The following SNTB1 variants were observed in gnomAD, a reference collection of about 807,000 sequenced individuals.
The protein encoded by SNTB1 is beta-1-syntrophin.
SNTB1 carries 36 observed loss-of-function variants against 48.9 expected under a neutral mutation model. That is an observed-to-expected ratio of 0.74 (90% CI 0.56 to 0.97). SNTB1 has a LOEUF of 0.97. Among genes scored for constraint, SNTB1 ranks in the 50% least tolerant of loss-of-function variants. SNTB1 has a pLI of 0.00. For synonymous variants in SNTB1, 299 were observed against 294.6 expected, an observed-to-expected ratio of 1.01 and a Z score of -0.15; for missense variants, 786 against 703.4, an observed-to-expected ratio of 1.12 and a Z score of -1.33.
intron 2 of SNTB1, among the ~76,000 whole-genome samples, chr8:120,642,916 C>CAAAA (rs991519836): frequency 4.6e-5 from 7 of 151,962 alleles, no homozygotes; most frequent in African/African-American, 1.7e-4. Context: ...TACTGAAAAA[C>CAAAA]AAAAAAACAA....
At chr8:120,761,494 C>T (rs1819418260) in intron 1 of SNTB1, 1 of 152,202 alleles carries the variant, frequency 6.6e-6, no homozygotes, top group Admixed American at 6.5e-5. Context: ...TTGATCTAGA[C>T]TTTGCCCAGA....
At chr8:120,658,387 G>A (rs1037858928) in intron 2 of SNTB1, among the ~76,000 whole-genome samples, 6 of 152,130 alleles carry the variant, frequency 3.9e-5, no homozygotes, top group Admixed American at 2.6e-4. Context: ...CAGGAAGTAG[G>A]AAACACCATA....
At chr8:120,712,273 G>T (rs1818475968) in intron 1 of SNTB1, among the ~76,000 whole-genome samples, 1 of 151,930 alleles carries the variant, frequency 6.6e-6, no homozygotes, top group South Asian at 2.1e-4. Context: ...AAATTAGCCA[G>T]GCGTGGTGGC....
chr8:120,803,579 C>T (rs1820270487), intron 1 of SNTB1, among the ~76,000 whole-genome samples: 1 of 152,152 alleles, frequency 6.6e-6, no homozygotes, highest in Admixed American at 6.5e-5. Context: ...AAACAGACCA[C>T]TGGTAGATTC....
intron 1 of SNTB1, among the ~76,000 whole-genome samples, chr8:120,747,872 T>G (rs930650535): frequency 6.6e-6 from 1 of 152,160 alleles, no homozygotes; most frequent in African/African-American, 2.4e-5. Context: ...TACACACATA[T>G]GTATATACAC....
intron 1 of SNTB1, among the ~76,000 whole-genome samples, chr8:120,766,814 G>T (rs1309364350): frequency 6.6e-6 from 1 of 152,092 alleles, no homozygotes; most frequent in Non-Finnish European, 1.5e-5. Flanking sequence ...CTATGTATTT[G>T]CCATGGAGCT....
At chr8:120,766,293 T>C (rs1257703873) in intron 1 of SNTB1, among the ~76,000 whole-genome samples, 1 of 152,188 alleles carries the variant, frequency 6.6e-6, no homozygotes, top group Non-Finnish European at 1.5e-5. Context: ...GGATAAATAA[T>C]TGGCCAAACT....
intron 3 of SNTB1, among the ~76,000 whole-genome samples, chr8:120,618,640 A>AT (rs1816750896): frequency 6.6e-6 from 1 of 152,258 alleles, no homozygotes; most frequent in African/African-American, 2.4e-5. Flanking sequence ...TCACTTGATT[A>AT]TTTATAAGCA....
Position 120,548,922 on chromosome 8 carries a change from C to T in SNTB1, c.1173G>A (p.Gln391=), listed in dbSNP as rs147938962. 25 of 1,602,790 alleles carry T rather than the reference C, an allele frequency of 1.6e-5. No individual in the cohort carries two copies. Among genetic ancestry groups the T allele is most frequent in the Non-Finnish European group, 2.0e-5 (24 of 1,174,788 alleles). ...TTGCAAAGGACAGATCCACACCAGC[C>T]TGGGGTGATCCCTTTCCTGGACCTG... ...VHSGPGKGSP[Q]AGVDLSFATR... The change falls in exon 5 of 7, where the codon CAG becomes CAA. Residue 391 remains glutamine (Q), a synonymous_variant. Transcript: ENST00000517992.
At chr8:120,622,679 T>C (rs937612625) in intron 3 of SNTB1, among the ~76,000 whole-genome samples, 2 of 152,206 alleles carry the variant, frequency 1.3e-5, no homozygotes, top group African/African-American at 4.8e-5. Flanking sequence ...GCTATAACCT[T>C]CAACATGTCA....
intron 2 of SNTB1, among the ~76,000 whole-genome samples, chr8:120,682,175 A>T (rs1817942146): frequency 6.6e-6 from 1 of 152,224 alleles, no homozygotes. Context: ...CATCCTTCTA[A>T]CAAGACATGT....
chr8:120,632,404 C>T (rs781551004), intron 3 of SNTB1, 40 bp downstream of exon 3: 13 of 1,574,382 alleles, frequency 8.3e-6, no homozygotes, highest in African/African-American at 4.0e-5. Context: ...GGGGGAATCT[C>T]GGGGAGGACG....
intron 1 of SNTB1, among the ~76,000 whole-genome samples, chr8:120,695,697 A>G (rs531207807): frequency 1.3e-5 from 2 of 152,306 alleles, no homozygotes; most frequent in Admixed American, 1.3e-4. Context: ...GTTCAAATAT[A>G]CCCAGATGCA....
chr8:120,719,187 C>G (rs574025460), intron 1 of SNTB1, among the ~76,000 whole-genome samples: 1 of 152,236 alleles, frequency 6.6e-6, no homozygotes, highest in African/African-American at 2.4e-5. Flanking sequence ...AGTCAGTGGG[C>G]TGAGAAAGGC....
Position 120,669,619 on chromosome 8 carries a change from A to G in SNTB1, c.788+24073T>C, listed in dbSNP as rs1309258648. 1.5e-4 allele frequency among the ~76,000 whole-genome samples: 13 copies of G among 87,276 alleles called. 4 individuals are homozygous for G. Among genetic ancestry groups the G allele is most frequent in the African/African-American group, 5.4e-4 (4 of 7,398 alleles). 57.3% of individuals were successfully genotyped at this position (87,276 alleles called of 152,430 possible). ...AGGCGCCTGCCACCGCGCCCGGCTA[A>G]TTTTTTGTATTTTTAGTAGAGACGG... On this transcript the variant is annotated intron_variant, in intron 2 of 6. Transcript: ENST00000517992.
intron 2 of SNTB1, among the ~76,000 whole-genome samples, chr8:120,635,295 T>G (rs966427628): frequency 1.3e-5 from 2 of 152,208 alleles, no homozygotes; most frequent in African/African-American, 2.4e-5. Flanking sequence ...GAATACAAAC[T>G]AGCATTCTCA....
intron 1 of SNTB1, among the ~76,000 whole-genome samples, chr8:120,755,139 GTGT>G (rs1329263026): frequency 1.4e-5 from 1 of 71,974 alleles, no homozygotes; most frequent in African/African-American, 1.7e-4. Flanking sequence ...CTATGCTGTG[GTGT>G]TGTGTGTGTG....
At chr8:120,694,845 C>T (rs1302647172) in intron 1 of SNTB1, among the ~76,000 whole-genome samples, 5 of 151,894 alleles carry the variant, frequency 3.3e-5, no homozygotes, top group Non-Finnish European at 5.9e-5. Context: ...TTATTTATTA[C>T]TCTTTCATAT....
At chr8:120,563,547 A>C (rs1298073981) in intron 4 of SNTB1, among the ~76,000 whole-genome samples, 1 of 152,188 alleles carries the variant, frequency 6.6e-6, no homozygotes, top group African/African-American at 2.4e-5. Flanking sequence ...TGTTGTGAGC[A>C]TTTCTGGTGC....
Sources: allele counts gnomAD v4.1 joint callset (sites outside exome capture counted in the v4.1 genomes callset), GRCh38; gene constraint gnomAD v4.1.1; transcripts MANE v1.5; gene names NCBI Gene and HGNC (gene_info 2026-07-23, HGNC 2026-07-21).